The following STXBP5L variants were observed in gnomAD, a reference collection of about 807,000 sequenced individuals.
STXBP5L encodes syntaxin-binding protein 5-like.
Under a neutral mutation model 144.5 loss-of-function variants are expected in STXBP5L, and 65 were observed. The ratio of observed to expected loss-of-function variants is 0.45; its 90% CI spans 0.37 to 0.55. STXBP5L has a LOEUF of 0.55. Ranked by LOEUF, STXBP5L falls within the 20% of genes least tolerant of loss-of-function variation. STXBP5L has a pLI of 0.00. For missense variants in STXBP5L, 1,298 were observed against 1,405.5 expected, an observed-to-expected ratio of 0.92 and a Z score of 1.22; for synonymous variants, 505 against 469.6, an observed-to-expected ratio of 1.08 and a Z score of -0.97.
intron 3 of STXBP5L, among the ~76,000 whole-genome samples, chr3:120,996,406 G>T (rs556176832): frequency 6.6e-6 from 1 of 152,002 alleles, no homozygotes; most frequent in South Asian, 2.1e-4. Context: ...GATTACTATA[G>T]TCAAGTCAAT....
At chr3:121,026,226 T>G (rs976361073) in intron 3 of STXBP5L, among the ~76,000 whole-genome samples, 1 of 151,766 alleles carries the variant, frequency 6.6e-6, no homozygotes, top group Non-Finnish European at 1.5e-5. Context: ...CATTAACCTT[T>G]TACAGTTCTT....
At chr3:121,263,167 C>G (rs2050440759) in intron 18 of STXBP5L, among the ~76,000 whole-genome samples, 1 of 152,220 alleles carries the variant, frequency 6.6e-6, no homozygotes, top group South Asian at 2.1e-4. Flanking sequence ...TAGTGATACC[C>G]AGGCAAACAG....
chr3:121,246,497 A>T (rs185271480), intron 14 of STXBP5L, among the ~76,000 whole-genome samples: 1 of 152,354 alleles, frequency 6.6e-6, no homozygotes, highest in East Asian at 1.9e-4. Context: ...TTATTTTCAT[A>T]TCAAGTATTA....
chr3:121,346,755 G>C (rs2045006808), intron 20 of STXBP5L, among the ~76,000 whole-genome samples: 1 of 152,186 alleles, frequency 6.6e-6, no homozygotes, highest in Non-Finnish European at 1.5e-5. Flanking sequence ...GTCTTCTTTT[G>C]AGAAGTGTCT....
At chr3:121,064,370 T>G (rs1037744659) in intron 5 of STXBP5L, among the ~76,000 whole-genome samples, 9 of 152,228 alleles carry the variant, frequency 5.9e-5, no homozygotes, top group Non-Finnish European at 8.8e-5. Flanking sequence ...TGACTCACCT[T>G]CTGTGTTGAT....
chr3:121,335,214 CA>C (rs1288025604), intron 20 of STXBP5L, among the ~76,000 whole-genome samples: 1 of 151,942 alleles, frequency 6.6e-6, no homozygotes, highest in Non-Finnish European at 1.5e-5. Flanking sequence ...ACAATTGCCA[CA>C]AAAAGAATAA....
intron 5 of STXBP5L, among the ~76,000 whole-genome samples, chr3:121,091,137 C>T (rs1197973190): frequency 2.0e-5 from 3 of 148,514 alleles, no homozygotes; most frequent in African/African-American, 7.6e-5. Flanking sequence ...CATAGTATTC[C>T]ATGGTGTATA....
intron 7 of STXBP5L, among the ~76,000 whole-genome samples, chr3:121,149,290 G>T (rs1454007713): frequency 6.6e-6 from 1 of 151,806 alleles, no homozygotes; most frequent in East Asian, 1.9e-4. Flanking sequence ...TAAAAGAAAT[G>T]TATAACATAT....
At chr3:121,375,840 C>A (rs1295022812) in intron 20 of STXBP5L, among the ~76,000 whole-genome samples, 3 of 152,100 alleles carry the variant, frequency 2.0e-5, no homozygotes, top group Admixed American at 1.3e-4. Context: ...CATGATTTTT[C>A]TCTGTGGCAC....
chr3:121,169,256 C>A (rs1166138444), intron 9 of STXBP5L, among the ~76,000 whole-genome samples: 1 of 152,136 alleles, frequency 6.6e-6, no homozygotes, highest in African/African-American at 2.4e-5. Flanking sequence ...TAAGGATCAT[C>A]CACCCTCTGA....
intron 3 of STXBP5L, among the ~76,000 whole-genome samples, chr3:121,003,183 G>A (rs918122996): frequency 6.6e-6 from 1 of 152,250 alleles, no homozygotes. Flanking sequence ...CAGTGTAAAA[G>A]TGTTCCTATT....
intron 3 of STXBP5L, among the ~76,000 whole-genome samples, chr3:120,975,404 A>AAGTTG (rs1940851205): frequency 6.6e-6 from 1 of 152,140 alleles, no homozygotes; most frequent in Non-Finnish European, 1.5e-5. Context: ...GTATCCTGAG[A>AAGTTG]CTTTGCTGAA....
intron 3 of STXBP5L, among the ~76,000 whole-genome samples, chr3:120,978,957 G>T (rs935301726): frequency 3.3e-5 from 5 of 152,136 alleles, no homozygotes; most frequent in Admixed American, 1.3e-4. Flanking sequence ...TGCCCTTACT[G>T]GGGGGTGCCT....
chr3:121,147,467 C>A (rs2045760334), intron 7 of STXBP5L, among the ~76,000 whole-genome samples: 2 of 151,968 alleles, frequency 1.3e-5, no homozygotes, highest in Admixed American at 1.3e-4. Context: ...TAAAGCTGTG[C>A]CTCCAGGAAA....
intron 3 of STXBP5L, among the ~76,000 whole-genome samples, chr3:120,983,604 C>T (rs971707516): frequency 6.6e-6 from 1 of 152,094 alleles, no homozygotes; most frequent in Non-Finnish European, 1.5e-5. Context: ...TGTGTAATTT[C>T]TAGGCAGTTC....
At chr3:121,013,943 G>A (rs1034253626) in intron 3 of STXBP5L, among the ~76,000 whole-genome samples, 23 of 151,952 alleles carry the variant, frequency 1.5e-4, no homozygotes, top group Non-Finnish European at 2.2e-4. Context: ...AGATCAGATG[G>A]TTGTAGGTAT....
chr3:121,401,919 A>G (rs1259404646), intron 22 of STXBP5L, among the ~76,000 whole-genome samples: 4 of 150,944 alleles, frequency 2.6e-5, no homozygotes, highest in Non-Finnish European at 5.9e-5. Flanking sequence ...AAGGAATTAG[A>G]TTTACAGTGA....
Position 121,207,501 on chromosome 3 carries a change from G to C in STXBP5L, c.956+1500G>C, listed in dbSNP as rs142185363. Among the ~76,000 whole-genome samples the C allele has an allele frequency of 7.5e-3, 1,139 of 152,316 alleles. 13 individuals are homozygous for C. Among genetic ancestry groups the C allele is most frequent in the African/African-American group, 0.026 (1,091 of 41,562 alleles). ...ACAAATGGGATCTAATTAAACTAGA[G>C]AGCTTCTGTCTGGTGAAAGAAACTA... On this transcript the variant is annotated intron_variant, in intron 10 of 26. Coordinates refer to ENST00000471454, the MANE Select transcript of STXBP5L (RefSeq NM_001308330.2).
At chr3:121,198,622 T>TA (rs2108202948) in intron 9 of STXBP5L, among the ~76,000 whole-genome samples, 1 of 152,300 alleles carries the variant, frequency 6.6e-6, no homozygotes, top group South Asian at 2.1e-4. Context: ...GTTTAGGTCT[T>TA]ACATTTAAGT....
Sources: allele counts gnomAD v4.1 joint callset (sites outside exome capture counted in the v4.1 genomes callset), GRCh38; gene constraint gnomAD v4.1.1; transcripts MANE v1.5; gene names NCBI Gene and HGNC (gene_info 2026-07-23, HGNC 2026-07-21).